Variants in PPM1E observed in about 807,000 individuals in gnomAD.
The protein encoded by PPM1E is protein phosphatase 1E.
PPM1E carries 20 observed loss-of-function variants against 65.9 expected under a neutral mutation model. The ratio of observed to expected loss-of-function variants is 0.30; its 90% CI spans 0.21 to 0.44. The LOEUF is 0.44. Ranked by LOEUF, PPM1E falls within the 20% of genes least tolerant of loss-of-function variation. The pLI is 1.00. For missense variants in PPM1E, 713 were observed against 953.1 expected (o/e 0.75, Z 3.32); for synonymous variants, 352 against 374.9 (o/e 0.94, Z 0.70).
intron 1 of PPM1E, among the ~76,000 whole-genome samples, chr17:58,862,668 C>T (rs1442748165): frequency 6.6e-6 from 1 of 152,142 alleles, no homozygotes; most frequent in Non-Finnish European, 1.5e-5. Context: ...ATATTTTGGG[C>T]AGATGTGTCA....
At chr17:58,909,307 G>A (rs2051595642) in intron 1 of PPM1E, among the ~76,000 whole-genome samples, 1 of 152,034 alleles carries the variant, frequency 6.6e-6, no homozygotes, top group South Asian at 2.1e-4. Context: ...ACTCAGGCTG[G>A]AATGCAATGG....
In PPM1E at chr17:58,940,766, A is replaced by C. The variant is rs1321978243; in HGVS notation, c.465-14883A>C. On this transcript the variant is annotated intron_variant, in intron 1 of 6. Coordinates refer to ENST00000308249, the MANE Select transcript of PPM1E (RefSeq NM_014906.5). ...CATTACCCCACCCAGGCTGGAGTGCAGTGGTGTGATCGGGACTCACTGCAA... is the reference window on the plus strand; with the variant it reads ...CATTACCCCACCCAGGCTGGAGTGCCGTGGTGTGATCGGGACTCACTGCAA... Among the ~76,000 whole-genome samples the C allele has an allele frequency of 1.3e-5, 2 of 152,000 alleles. 1 individual carries two copies. Among genetic ancestry groups the C allele is most frequent in the Non-Finnish European group, 2.9e-5 (2 of 68,004 alleles).
chr17:58,853,282 G>A (rs1481002743), intron 1 of PPM1E, among the ~76,000 whole-genome samples: 1 of 152,140 alleles, frequency 6.6e-6, no homozygotes, highest in Non-Finnish European at 1.5e-5. Context: ...GTTAATTTTA[G>A]TATATAGTAT....
At chr17:58,961,122 C>A (rs1389534639) in intron 2 of PPM1E, among the ~76,000 whole-genome samples, 1 of 152,040 alleles carries the variant, frequency 6.6e-6, no homozygotes, top group Non-Finnish European at 1.5e-5. Flanking sequence ...GAAAACTAGA[C>A]CTCCCGATAT....
At chr17:58,863,106 T>C (rs897105552) in intron 1 of PPM1E, among the ~76,000 whole-genome samples, 12 of 152,362 alleles carry the variant, frequency 7.9e-5, no homozygotes, top group African/African-American at 2.9e-4. Context: ...TGGGAAATAA[T>C]ATGGCTTCTA....
At chr17:58,874,613 A>G (rs2051108754) in intron 1 of PPM1E, among the ~76,000 whole-genome samples, 1 of 152,196 alleles carries the variant, frequency 6.6e-6, no homozygotes, top group Admixed American at 6.5e-5. Flanking sequence ...CCTCAAAGAT[A>G]TATCAGTTAC....
chr17:58,980,240 A>G lies in PPM1E; in HGVS notation c.1477A>G (p.Lys493Glu). The G allele has an allele frequency of 1.2e-6, 2 of 1,614,228 alleles. No individual in the cohort carries two copies. Among genetic ancestry groups the G allele is most frequent in the South Asian group, 2.2e-5 (2 of 91,082 alleles). Reference sequence around the variant, plus strand: ...TGTGGTATTCCTGAGGGACATGAACAAAGCTGTAAATGTTAGTGAGGAATC... The same window carrying G: ...TGTGGTATTCCTGAGGGACATGAACGAAGCTGTAAATGTTAGTGAGGAATC... ...VIVVFLRDMN[K>E]AVNVSEESDW... Residue 493 changes from lysine (K) to glutamate (E), a missense_variant, in exon 7 of 7, where the codon AAA becomes GAA. Physicochemically the swap from Lys to Glu is moderately conservative, Grantham distance 56. Coordinates refer to ENST00000308249, the MANE Select transcript of PPM1E (RefSeq NM_014906.5). The surrounding 1 kb of genome is among the most constrained non-coding windows in gnomAD (Gnocchi z 4.7).
chr17:58,809,589 T>C (rs1472913610), intron 1 of PPM1E, among the ~76,000 whole-genome samples: 1 of 152,024 alleles, frequency 6.6e-6, no homozygotes, highest in African/African-American at 2.4e-5. Flanking sequence ...TTACTATGTT[T>C]CCCAGACTGG....
intron 3 of PPM1E, 84 bp from the exon 4 acceptor site, chr17:58,969,455 T>A: frequency 3.1e-6 from 4 of 1,301,812 alleles, no homozygotes; most frequent in Non-Finnish European, 4.5e-6. Context: ...GGAGAAAGGA[T>A]GGGCAACAAT....
At chr17:58,852,605 T>C (rs894367128) in intron 1 of PPM1E, among the ~76,000 whole-genome samples, 4 of 145,824 alleles carry the variant, frequency 2.7e-5, no homozygotes, top group Non-Finnish European at 5.9e-5. Context: ...TTTTTTGTTT[T>C]TTTTTGTTTT....
At chr17:58,924,901 A>G (rs2051805233) in intron 1 of PPM1E, among the ~76,000 whole-genome samples, 1 of 152,144 alleles carries the variant, frequency 6.6e-6, no homozygotes, top group African/African-American at 2.4e-5. Flanking sequence ...TGCAAAGAAC[A>G]TGATCTCATT....
intron 1 of PPM1E, among the ~76,000 whole-genome samples, chr17:58,912,952 G>C (rs2051644687): frequency 6.6e-6 from 1 of 152,028 alleles, no homozygotes; most frequent in Non-Finnish European, 1.5e-5. Flanking sequence ...AACTCCACAG[G>C]GACAGAAGCT....
chr17:58,773,443 G>A lies in PPM1E; in HGVS notation c.464+16982G>A, dbSNP rs1030234373. Among the ~76,000 whole-genome samples the A allele has an allele frequency of 8.5e-5, 13 of 152,052 alleles. No individual in the cohort carries two copies. The East Asian group carries it at 1.3e-3, about 16-fold the overall frequency. On this transcript the variant is annotated intron_variant, in intron 1 of 6. Transcript: ENST00000308249. Reference sequence around the variant, plus strand: ...TCTAAAGAGACAGGCTTCAACACTCGTTTCAAATGCTGTATCTTACTAGAA... The same window carrying A: ...TCTAAAGAGACAGGCTTCAACACTCATTTCAAATGCTGTATCTTACTAGAA...
chr17:58,756,338 T>TGCCGCC lies in PPM1E; in HGVS notation c.351_356dup (p.Pro118_Pro119dup). On this transcript the variant is annotated inframe_insertion, in exon 1 of 7. Coordinates refer to ENST00000308249, the MANE Select transcript of PPM1E (RefSeq NM_014906.5). ...GCGGCAGCCCCGGGGCACTCGGCCG[T>TGCCGCC]GCCGCCGCCGCCGCCCCAGCTGCCG... is the stretch of plus-strand genomic sequence containing the variant. 7.2e-7 allele frequency: 1 copy of TGCCGCC among 1,387,878 alleles called. No individual in the cohort carries two copies. Among genetic ancestry groups the TGCCGCC allele is most frequent in the Non-Finnish European group, 9.3e-7 (1 of 1,074,962 alleles). The allele number at this position is 1,387,878 out of a possible 1,614,324, so 86.0% of individuals were successfully genotyped here.
At chr17:58,917,053 T>TA (rs2051691672) in intron 1 of PPM1E, among the ~76,000 whole-genome samples, 1 of 151,808 alleles carries the variant, frequency 6.6e-6, no homozygotes, top group African/African-American at 2.4e-5. Context: ...CTACTAAAAA[T>TA]ACAAAAATTA....
At chr17:58,954,320 G>C (rs531002739) in intron 1 of PPM1E, among the ~76,000 whole-genome samples, 1 of 151,890 alleles carries the variant, frequency 6.6e-6, no homozygotes, top group African/African-American at 2.4e-5. Flanking sequence ...CTTCATTCTT[G>C]CTCCCTTCTA....
chr17:58,816,351 A>G (rs981855060), intron 1 of PPM1E, among the ~76,000 whole-genome samples: 4 of 152,112 alleles, frequency 2.6e-5, no homozygotes, highest in African/African-American at 9.7e-5. Flanking sequence ...TATGGAGTAA[A>G]GAGAAGGAAA....
chr17:58,773,664 G>T (rs1451774277), intron 1 of PPM1E, among the ~76,000 whole-genome samples: 2 of 152,014 alleles, frequency 1.3e-5, no homozygotes, highest in East Asian at 3.8e-4. Context: ...TACATATGAG[G>T]CACTGAGTTA....
chr17:58,958,879 A>T (rs1389736549), intron 2 of PPM1E, among the ~76,000 whole-genome samples: 2 of 152,058 alleles, frequency 1.3e-5, no homozygotes, highest in Non-Finnish European at 2.9e-5. Context: ...CACTGTGCCC[A>T]GCCCCAATCC....
Sources: allele counts gnomAD v4.1 joint callset (sites outside exome capture counted in the v4.1 genomes callset), GRCh38; gene constraint gnomAD v4.1.1; non-coding constraint Gnocchi (gnomAD v3.1); transcripts MANE v1.5; gene names NCBI Gene and HGNC (gene_info 2026-07-23, HGNC 2026-07-21).